Variants in ATF6 observed in about 807,000 individuals in gnomAD.
The protein encoded by ATF6 is cyclic AMP-dependent transcription factor ATF-6 alpha.
In ATF6, 53 loss-of-function variants were observed where a neutral mutation model predicts 83.6. The ratio of observed to expected loss-of-function variants is 0.63; its 90% CI spans 0.51 to 0.80. ATF6 has a LOEUF of 0.80. ATF6 is among the 30% of genes least tolerant of loss of function. ATF6 has a pLI of 0.00. For synonymous variants in ATF6, 288 were observed against 285.8 expected (o/e 1.01, Z -0.08); for missense variants, 744 against 797.9 (o/e 0.93, Z 0.81).
chr1:161,774,350 C>T (rs148447191), intron 1 of ATF6, among the ~76,000 whole-genome samples: 262 of 151,710 alleles, frequency 1.7e-3, no homozygotes, highest in African/African-American at 6.0e-3. Flanking sequence ...ATAGCAATCC[C>T]CATGAGTTAC....
chr1:161,791,120 G>GTC, intron 4 of ATF6, among the ~76,000 whole-genome samples: 1 of 146,278 alleles, frequency 6.8e-6, no homozygotes, highest in Non-Finnish European at 1.5e-5. Context: ...GTGTGTGTGT[G>GTC]TGTGTGTGTG....
At chr1:161,835,657 C>T (rs1686195654) in intron 9 of ATF6, among the ~76,000 whole-genome samples, 1 of 152,166 alleles carries the variant, frequency 6.6e-6, no homozygotes, top group South Asian at 2.1e-4. Flanking sequence ...TGTCTCTAGA[C>T]AGACACCTCT....
intron 15 of ATF6, among the ~76,000 whole-genome samples, chr1:161,945,445 C>G (rs1688729603): frequency 6.6e-6 from 1 of 152,118 alleles, no homozygotes; most frequent in South Asian, 2.1e-4. Flanking sequence ...CAGAAGTTTC[C>G]TTAATTTACC....
At chr1:161,847,233 T>C (rs1686505388) in intron 10 of ATF6, among the ~76,000 whole-genome samples, 1 of 152,178 alleles carries the variant, frequency 6.6e-6, no homozygotes, top group Admixed American at 6.6e-5. Context: ...TGGAGCCAGG[T>C]CCTTGACTAA....
rs1485026854 is a variant in ATF6 at position 161,960,484 on chromosome 1, C to T, written c.*1830C>T. On this transcript the variant is annotated 3_prime_UTR_variant, in exon 16 of 16. Coordinates refer to ENST00000367942, the MANE Select transcript of ATF6 (RefSeq NM_007348.4). Reference sequence around the variant, plus strand: ...TGGCTCCTAAATAATTTTAAAGAACCATCAGCACTTCTAACTCTCTGGACA... The same window carrying T: ...TGGCTCCTAAATAATTTTAAAGAACTATCAGCACTTCTAACTCTCTGGACA... 6.6e-6 allele frequency: 1 copy of T among 152,166 alleles called. No homozygotes were observed. The highest frequency in any genetic ancestry group is 1.5e-5 in the Non-Finnish European group (1 of 68,024). 9.4% of individuals were successfully genotyped at this position (152,166 alleles called of 1,614,324 possible). A position where few individuals can be genotyped will look rare whatever the true frequency, so the allele number is the denominator to read the frequency against.
chr1:161,802,717 G>C (rs536939262), intron 7 of ATF6, among the ~76,000 whole-genome samples: 54 of 152,228 alleles, frequency 3.5e-4, no homozygotes, highest in African/African-American at 1.3e-3. Flanking sequence ...CCGTTTTGAA[G>C]TATTTTCACC....
chr1:161,837,515 T>C (rs1052485512), intron 9 of ATF6, among the ~76,000 whole-genome samples: 2 of 152,216 alleles, frequency 1.3e-5, no homozygotes, highest in Non-Finnish European at 2.9e-5. Context: ...AAGTACGGAA[T>C]GTACAGACGA....
rs1011567724 is a variant in ATF6, at chr1:161,963,263, T to G, written c.*4609T>G. 6.6e-6 allele frequency: 1 copy of G among 152,238 alleles called. No individual in the cohort carries two copies. The highest frequency in any genetic ancestry group is 1.5e-5 in the Non-Finnish European group (1 of 68,046). The allele number at this position is 152,238 out of a possible 1,614,324, so 9.4% of individuals were successfully genotyped here. ...TGGGTAAGACTAGAACTTTCGGCCA[T>G]TTGTTCTAATATGTGTGTTATTAGA... On this transcript the variant is annotated 3_prime_UTR_variant, in exon 16 of 16. Transcript: ENST00000367942.
chr1:161,949,960 T>C (rs963063840), intron 15 of ATF6, among the ~76,000 whole-genome samples: 5 of 152,242 alleles, frequency 3.3e-5, no homozygotes, highest in Non-Finnish European at 5.9e-5. Flanking sequence ...TCTTCAGTGT[T>C]ATACAAACTG....
At chr1:161,945,583 T>G (rs769902225) in intron 15 of ATF6, among the ~76,000 whole-genome samples, 4 of 152,226 alleles carry the variant, frequency 2.6e-5, no homozygotes, top group Non-Finnish European at 5.9e-5. Flanking sequence ...TGGGAGATAG[T>G]ATACTTATCT....
rs759086008 is a variant in ATF6, at chr1:161,932,587, C to T, written c.1804+20207C>T. Among the ~76,000 whole-genome samples, 23 of 152,188 alleles carry T rather than the reference C, an allele frequency of 1.5e-4. 1 individual carries two copies. The highest frequency in any genetic ancestry group is 2.6e-4 in the Non-Finnish European group (18 of 68,024). On this transcript the variant is annotated intron_variant, in intron 15 of 15. Transcript: ENST00000367942. The stretch of plus-strand genomic sequence containing the variant: ...AGCTACTATTAAGAATTTAGCTGAT[C>T]TACTTCATTAAAATGTTATATTAGC...
At chr1:161,820,990 A>C (rs1685746362) in intron 8 of ATF6, 80 bp from the exon 9 acceptor site, 4 of 880,834 alleles carry the variant, frequency 4.5e-6, no homozygotes, top group Non-Finnish European at 6.9e-6. Flanking sequence ...ACCGGTAAAG[A>C]GGAAAATTCT....
chr1:161,830,356 G>A (rs10800037), intron 9 of ATF6, among the ~76,000 whole-genome samples: 137,097 of 151,732 alleles, frequency 0.9, 62,107 homozygotes, highest in African/African-American at 0.97. Flanking sequence ...CAATATCGTG[G>A]AAATGGCCAT....
intron 9 of ATF6, among the ~76,000 whole-genome samples, chr1:161,828,294 A>C (rs1486227547): frequency 6.6e-6 from 1 of 152,196 alleles, no homozygotes; most frequent in Non-Finnish European, 1.5e-5. Flanking sequence ...AAAATGATGG[A>C]TTGAAAAAAT....
intron 9 of ATF6, among the ~76,000 whole-genome samples, chr1:161,821,446 G>C (rs1024778587): frequency 6.6e-6 from 1 of 152,146 alleles, no homozygotes; most frequent in South Asian, 2.1e-4. Flanking sequence ...TTGTCGTATT[G>C]ATGGGTACTC....
Position 161,916,188 on chromosome 1 carries a change from T to C in ATF6, c.1804+3808T>C, listed in dbSNP as rs192327408. Among the ~76,000 whole-genome samples the C allele has an allele frequency of 2.4e-3, 362 of 152,270 alleles. 3 individuals carry two copies. The highest frequency in any genetic ancestry group is 8.3e-3 in the African/African-American group (347 of 41,558). Reference sequence around the variant, plus strand: ...ATATCTCGCCAAGTCAAAGGTCATGTCTCCATGGTCATCTTACTTGACCTC... The same window carrying C: ...ATATCTCGCCAAGTCAAAGGTCATGCCTCCATGGTCATCTTACTTGACCTC... On this transcript the variant is annotated intron_variant, in intron 15 of 15. Coordinates refer to ENST00000367942, the MANE Select transcript of ATF6 (RefSeq NM_007348.4).
At chr1:161,809,393 A>G (rs1418866906) in intron 7 of ATF6, among the ~76,000 whole-genome samples, 2 of 152,138 alleles carry the variant, frequency 1.3e-5, no homozygotes, top group Non-Finnish European at 2.9e-5. Context: ...TTATGGCTGC[A>G]TAGTATTCCA....
At chr1:161,904,055 A>G (rs1036705288) in intron 14 of ATF6, among the ~76,000 whole-genome samples, 1 of 152,178 alleles carries the variant, frequency 6.6e-6, no homozygotes, top group Non-Finnish European at 1.5e-5. Context: ...AGAAGGACCT[A>G]CCATTGGCAC....
Position 161,766,339 on chromosome 1 carries a change from C to A in ATF6, c.-22C>A. The A allele has an allele frequency of 6.2e-7, 1 of 1,610,840 alleles. No individual in the cohort carries two copies. The highest frequency in any genetic ancestry group is 8.5e-7 in the Non-Finnish European group (1 of 1,177,628). On this transcript the variant is annotated 5_prime_UTR_variant, in exon 1 of 16. Transcript: ENST00000367942. The stretch of plus-strand genomic sequence containing the variant: ...CGTCCCAGATATTAATCACGGAGTT[C>A]CAGGGAGAAGGAACTTGTGAAATGG...
Sources: allele counts gnomAD v4.1 joint callset (sites outside exome capture counted in the v4.1 genomes callset), GRCh38; gene constraint gnomAD v4.1.1; transcripts MANE v1.5; gene names NCBI Gene and HGNC (gene_info 2026-07-23, HGNC 2026-07-21).